PHF8: variants seen among roughly 807,000 people sequenced by gnomAD.
The protein encoded by PHF8 is PHD finger protein 8.
In PHF8, 9 loss-of-function variants were observed where a neutral mutation model predicts 74.4. That is an observed-to-expected ratio of 0.12 (90% CI 0.07 to 0.21). The LOEUF (loss-of-function observed/expected upper bound fraction) is 0.21. Among genes scored for constraint, PHF8 ranks in the 10% least tolerant of loss-of-function variants. The probability of loss-of-function intolerance (pLI) is 1.00; values close to 1 mark genes in which losing one functional copy is unlikely to be tolerated. For missense variants in PHF8, 478 were observed against 816.6 expected (o/e 0.59, Z 5.05); for synonymous variants, 311 against 316.6 (o/e 0.98, Z 0.19).
Position 54,034,717 on chromosome X carries a change from T to G in PHF8, c.98+7914A>C, listed in dbSNP as rs782411942. 1.2e-4 allele frequency among the ~76,000 whole-genome samples: 13 copies of G among 107,013 alleles called. No individual in the cohort carries two copies. The East Asian group carries it at 3.9e-3, about 32-fold the overall frequency. 92.9% of individuals were successfully genotyped at this position (107,013 alleles called of 115,157 possible). ...CGGGCGCCTGTAATTCCAGCTACTC[T>G]GGAGGCTGAGGCAGAGAATTGTTTA... On this transcript the variant is annotated intron_variant, in intron 2 of 21. Coordinates refer to ENST00000338154, the MANE Select transcript of PHF8 (RefSeq NM_015107.3).
chrX:54,002,526 C>T (rs2065841954), intron 9 of PHF8, 69 bp downstream of exon 9: 2 of 705,451 alleles, frequency 2.8e-6, no homozygotes, highest in Admixed American at 4.6e-5. Context: ...TCCCCTCCTT[C>T]TACATTATAC....
At chrX:54,031,175 A>G (rs2146485776) in intron 2 of PHF8, among the ~76,000 whole-genome samples, 1 of 111,577 alleles carries the variant, frequency 9.0e-6, no homozygotes, top group African/African-American at 3.3e-5. Flanking sequence ...TGATTAATAC[A>G]GTCAAGTGTT....
At chrX:53,999,702 A>ATC in intron 11 of PHF8, 168 bp downstream of exon 11, 3 of 438,102 alleles carry the variant, frequency 6.8e-6, no homozygotes, top group Non-Finnish European at 1.2e-5. Flanking sequence ...TATCATCAGA[A>ATC]AGAAAGATTT....
chrX:53,987,341 G>C (rs1386662949), intron 15 of PHF8, among the ~76,000 whole-genome samples, 178 bp from the exon 16 acceptor site: 2 of 111,881 alleles, frequency 1.8e-5, no homozygotes, highest in African/African-American at 6.5e-5. Context: ...AAGGCCTACA[G>C]AACATAGTAT....
chrX:54,005,417 C>A (rs1454237357), intron 8 of PHF8, among the ~76,000 whole-genome samples: 1 of 95,045 alleles, frequency 1.1e-5, no homozygotes, highest in Non-Finnish European at 2.1e-5. Flanking sequence ...GCCTGAGCAA[C>A]AGAGTGACAC....
intron 2 of PHF8, among the ~76,000 whole-genome samples, chrX:54,036,595 A>C (rs1321015894): frequency 1.9e-5 from 2 of 105,840 alleles, no homozygotes; most frequent in Non-Finnish European, 3.9e-5. Context: ...AAAAAAAAAA[A>C]AAAAACTTTT....
intron 18 of PHF8, among the ~76,000 whole-genome samples, chrX:53,978,563 C>G (rs1176458533): frequency 1.8e-5 from 2 of 110,412 alleles, no homozygotes; most frequent in African/African-American, 6.6e-5. Flanking sequence ...CTTTGGGAGG[C>G]TGAGGCGGGC....
At chrX:54,001,559 G>A (rs1184810615) in intron 10 of PHF8, among the ~76,000 whole-genome samples, 1 of 110,847 alleles carries the variant, frequency 9.0e-6, no homozygotes, top group Non-Finnish European at 1.9e-5. Context: ...AAACAGATTA[G>A]TGGTTTCCAG....
At chrX:53,993,925 AG>A (rs1255599034) in intron 12 of PHF8, 22 bp from the exon 13 acceptor site, 6 of 1,107,639 alleles carry the variant, frequency 5.4e-6, no homozygotes, top group Non-Finnish European at 7.4e-6. Context: ...TTAGTACATG[AG>A]GGGGTTAGAG....
intron 8 of PHF8, among the ~76,000 whole-genome samples, chrX:54,008,212 C>CAAAA (rs1400004581): frequency 1.8e-5 from 2 of 109,796 alleles, no homozygotes; most frequent in African/African-American, 6.6e-5. Flanking sequence ...ACTAAAAACA[C>CAAAA]AAAAATTAGC....
intron 8 of PHF8, among the ~76,000 whole-genome samples, chrX:54,009,048 C>T (rs1440849524): frequency 4.5e-5 from 5 of 110,703 alleles, no homozygotes; most frequent in Non-Finnish European, 9.5e-5. Flanking sequence ...TGTGGTAGCA[C>T]AAGCCTGTAG....
intron 7 of PHF8, 109 bp downstream of exon 7, chrX:54,014,268 T>A: frequency 1.5e-6 from 1 of 650,304 alleles, no homozygotes; most frequent in South Asian, 2.3e-5. Flanking sequence ...TCAAATTTTT[T>A]TTATTCAAAA....
At chrX:53,968,826 T>C (rs2065251018) in intron 18 of PHF8, among the ~76,000 whole-genome samples, 1 of 111,672 alleles carries the variant, frequency 9.0e-6, no homozygotes, top group African/African-American at 3.3e-5. Context: ...GGAGAATCGC[T>C]TGAACCCAGG....
chrX:54,035,019 C>T lies in PHF8; in HGVS notation c.98+7612G>A, dbSNP rs73477036. ...AGACTCTGTCTCAACAACAACAAAA[C>T]GATTAATTAGATTATAAACAAAAGA... On this transcript the variant is annotated intron_variant, in intron 2 of 21. Transcript: ENST00000338154. Among the ~76,000 whole-genome samples the T allele has an allele frequency of 7.4e-3, 802 of 107,945 alleles. 10 individuals are homozygous for T. The highest frequency in any genetic ancestry group is 0.026 in the African/African-American group (768 of 29,575). 93.7% of individuals were successfully genotyped at this position (107,945 alleles called of 115,157 possible). A position where few individuals can be genotyped will look rare whatever the true frequency, so the allele number is the denominator to read the frequency against.
intron 19 of PHF8, among the ~76,000 whole-genome samples, chrX:53,945,046 TAAA>T (rs1414779314): frequency 1.0e-5 from 1 of 100,283 alleles, no homozygotes; most frequent in Non-Finnish European, 2.0e-5. Context: ...ATAATAGTAA[TAAA>T]ATAATAATAA....
intron 18 of PHF8, 43 bp from the exon 19 acceptor site, chrX:53,962,982 A>T: frequency 1.2e-6 from 1 of 827,279 alleles, no homozygotes; most frequent in Non-Finnish European, 1.8e-6. Context: ...GATTTCATCC[A>T]AAGGGTGAAG....
Position 54,033,542 on chromosome X carries a change from A to G in PHF8, c.98+9089T>C, listed in dbSNP as rs188676750. On this transcript the variant is annotated intron_variant, in intron 2 of 21. Transcript: ENST00000338154. ...AGCCTGGCCAACACGGTGAAACCCC[A>G]TTTCTACTAAAAATACAAAAGATAG... 1.3e-3 allele frequency among the ~76,000 whole-genome samples: 146 copies of G among 111,243 alleles called. 1 individual carries two copies. Among genetic ancestry groups the G allele is most frequent in the African/African-American group, 4.6e-3 (141 of 30,633 alleles).
At chrX:53,995,449 C>A (rs1435733655) in intron 12 of PHF8, among the ~76,000 whole-genome samples, 1 of 112,264 alleles carries the variant, frequency 8.9e-6, no homozygotes. Context: ...GTTAACTTTG[C>A]TCAGGGTCCT....
At chrX:54,034,599 G>C (rs1369014992) in intron 2 of PHF8, among the ~76,000 whole-genome samples, 3 of 110,637 alleles carry the variant, frequency 2.7e-5, no homozygotes, top group Non-Finnish European at 3.8e-5. Flanking sequence ...GAGACGTGTG[G>C]ATCATTTGAG....
Sources: allele counts gnomAD v4.1 joint callset (sites outside exome capture counted in the v4.1 genomes callset), GRCh38; gene constraint gnomAD v4.1.1; transcripts MANE v1.5; gene names NCBI Gene and HGNC (gene_info 2026-07-23, HGNC 2026-07-21).